The following CGAS variants were observed in gnomAD, a reference collection of about 807,000 sequenced individuals.
CGAS encodes cyclic GMP-AMP synthase.
A neutral mutation model predicts 34.0 loss-of-function variants in CGAS; 31 were observed. The ratio of observed to expected loss-of-function variants is 0.91; its 90% CI spans 0.69 to 1.23. The LOEUF is 1.23. CGAS is among the 50% of genes most tolerant of loss of function. The pLI, the probability that CGAS is intolerant of heterozygous loss-of-function variation, is 0.00. For synonymous variants in CGAS, 266 were observed against 260.0 expected (o/e 1.02, Z -0.22); for missense variants, 597 against 657.6 (o/e 0.91, Z 1.01).
Position 73,435,059 on chromosome 6 carries a change from G to A in CGAS, c.1114+5150C>T, listed in dbSNP as rs112147125. On this transcript the variant is annotated intron_variant, in intron 3 of 4. Coordinates refer to ENST00000370315, the MANE Select transcript of CGAS (RefSeq NM_138441.3). ...GAAAATGGGGGTGCTGCAGTGGCAC[G>A]TGTCTGTAGTCCCAGTTACTTGATA... Among the ~76,000 whole-genome samples, 287 of 152,164 alleles carry A rather than the reference G, an allele frequency of 1.9e-3. 3 individuals are homozygous for A. The highest frequency in any genetic ancestry group is 0.017 in the South Asian group (81 of 4,824).
chr6:73,452,145 A>G lies in CGAS; in HGVS notation c.37T>C (p.Ser13Pro). The change falls in exon 1 of 5, where the codon TCC (serine) becomes CCC (proline). Residue 13 changes from serine to proline, a missense_variant. By Grantham distance (74) the Ser-to-Pro change is moderately conservative. This residue lies in a region of CGAS where 321 missense variants were observed against 314.3 expected (regional missense o/e 1.02). Coordinates refer to ENST00000370315, the MANE Select transcript of CGAS (RefSeq NM_138441.3). ...TTGGGGGCAGTGGCTCCGGCCTCGGAAGCTCTCTGCATGGCCTTTCCGTGC... is the reference window on the plus strand; with the variant it reads ...TTGGGGGCAGTGGCTCCGGCCTCGGGAGCTCTCTGCATGGCCTTTCCGTGC... ...PWHGKAMQRA[S>P]EAGATAPKAS... The G allele has an allele frequency of 6.2e-7, 1 of 1,608,406 alleles. No homozygotes were observed.
At position 73,452,194 on chromosome 6, in the gene CGAS, C is replaced by G. The variant is rs775846900; in HGVS notation, c.-13G>C. 2.5e-6 allele frequency: 4 copies of G among 1,586,634 alleles called. No homozygotes were observed. The highest frequency in any genetic ancestry group is 3.4e-6 in the Non-Finnish European group (4 of 1,169,858). ...GCCAAGGCTGCATGGCTGGCGCTTT[C>G]TGTTCCCCGAAAGAAGAATCCGTTT... On this transcript the variant is annotated 5_prime_UTR_variant, in exon 1 of 5. Transcript: ENST00000370315.
chr6:73,434,007 A>G (rs1167391027), intron 3 of CGAS, among the ~76,000 whole-genome samples: 5 of 152,248 alleles, frequency 3.3e-5, no homozygotes, highest in African/African-American at 1.2e-4. Flanking sequence ...TAAAGGGTCA[A>G]GACTCTCTCA....
chr6:73,452,162 T>C lies in CGAS; in HGVS notation c.20A>G (p.Lys7Arg). 1 of 1,607,308 alleles carries C rather than the reference T, an allele frequency of 6.2e-7. No homozygotes were observed. The highest frequency in any genetic ancestry group is 8.5e-7 in the Non-Finnish European group (1 of 1,177,418). The change falls in exon 1 of 5, where the codon AAG becomes AGG. Residue 7 changes from lysine to arginine, a missense_variant. Physicochemically the swap from Lys to Arg is conservative, Grantham distance 26 (BLOSUM62 2). Transcript: ENST00000370315. MQPWHGKAMQRASEAGA... is the reference protein window; with the variant it reads MQPWHGRAMQRASEAGA... ...GGCCTCGGAAGCTCTCTGCATGGCC[T>C]TTCCGTGCCAAGGCTGCATGGCTGG...
chr6:73,436,819 T>TGAGA (rs763740805), intron 3 of CGAS, among the ~76,000 whole-genome samples: 2 of 150,380 alleles, frequency 1.3e-5, no homozygotes, highest in Non-Finnish European at 3.0e-5. Context: ...ATTACATGAA[T>TGAGA]GAGAGAGAGA....
chr6:73,445,399 G>C, intron 2 of CGAS, 129 bp downstream of exon 2: 3 of 506,406 alleles, frequency 5.9e-6, no homozygotes, highest in Non-Finnish European at 1.1e-5. Flanking sequence ...CTCCTCTACT[G>C]ATGTTTCTTG....
chr6:73,431,766 A>G (rs1229175634), intron 3 of CGAS, among the ~76,000 whole-genome samples: 2 of 152,218 alleles, frequency 1.3e-5, no homozygotes, highest in African/African-American at 4.8e-5. Context: ...CATACAAAAA[A>G]AGTATGACAC....
At chr6:73,446,915 G>C (rs1311106686) in intron 1 of CGAS, among the ~76,000 whole-genome samples, 1 of 151,994 alleles carries the variant, frequency 6.6e-6, no homozygotes, top group Non-Finnish European at 1.5e-5. Flanking sequence ...AATTAGCTAG[G>C]TGTGGTGGCA....
At chr6:73,440,570 T>C (rs1299850949) in intron 2 of CGAS, 125 bp from the exon 3 acceptor site, 3 of 882,044 alleles carry the variant, frequency 3.4e-6, no homozygotes, top group Admixed American at 5.9e-5. Flanking sequence ...ACATTAGTGG[T>C]AAAACAGAAA....
intron 1 of CGAS, among the ~76,000 whole-genome samples, chr6:73,446,708 C>G (rs1448037018): frequency 2.0e-4 from 6 of 29,346 alleles, no homozygotes; most frequent in African/African-American, 8.8e-4. Flanking sequence ...GCAGTCCCGC[C>G]GGGGCGACAG....
intron 3 of CGAS, among the ~76,000 whole-genome samples, chr6:73,433,441 A>G (rs1277659509): frequency 6.8e-6 from 1 of 147,396 alleles, no homozygotes; most frequent in Non-Finnish European, 1.5e-5. Flanking sequence ...AAGTTTTTAT[A>G]GAGATGAAGA....
intron 2 of CGAS, among the ~76,000 whole-genome samples, chr6:73,442,682 T>C (rs2150814838): frequency 6.9e-6 from 1 of 145,836 alleles, no homozygotes; most frequent in South Asian, 2.3e-4. Context: ...CACTGCAACC[T>C]CTGTCTCCCA....
chr6:73,426,503 G>A (rs1213799867), intron 4 of CGAS, among the ~76,000 whole-genome samples: 1 of 150,576 alleles, frequency 6.6e-6, no homozygotes, highest in Non-Finnish European at 1.5e-5. Flanking sequence ...ACTGTATAAA[G>A]CTAACAGATA....
Position 73,440,486 on chromosome 6 carries a change from C to T in CGAS, c.878-41G>A, listed in dbSNP as rs764166681. On this transcript the variant is annotated intron_variant, in intron 2 of 4. Transcript: ENST00000370315. ...AAAGAAAAGAAAGTATTTATTAATC[C>T]AATTTTCTCTGGAAATACAGGGGAA... 3.4e-6 allele frequency: 5 copies of T among 1,481,366 alleles called. No individual in the cohort carries two copies. The South Asian group carries it at 3.6e-5, about 11-fold the overall frequency. 91.8% of individuals were successfully genotyped at this position (1,481,366 alleles called of 1,614,324 possible). A position where few individuals can be genotyped will look rare whatever the true frequency, so the allele number is the denominator to read the frequency against.
In CGAS at chr6:73,445,467, T is replaced by C. The variant is rs769645942; in HGVS notation, c.877+61A>G. 38 of 1,188,774 alleles carry C rather than the reference T, an allele frequency of 3.2e-5. No homozygotes were observed. The Admixed American group carries it at 7.7e-4, about 24-fold the overall frequency. 73.6% of individuals were successfully genotyped at this position (1,188,774 alleles called of 1,614,324 possible). A position where few individuals can be genotyped will look rare whatever the true frequency, so the allele number is the denominator to read the frequency against. ...AGGTCAAGAAACATGAGAATGGGAG[T>C]GTACATTGGCAATTACTAGGTATAA... On this transcript the variant is annotated intron_variant, in intron 2 of 4. Coordinates refer to ENST00000370315, the MANE Select transcript of CGAS (RefSeq NM_138441.3).
At chr6:73,443,235 CTTT>C (rs35135687) in intron 2 of CGAS, among the ~76,000 whole-genome samples, 1 of 104,220 alleles carries the variant, frequency 9.6e-6, no homozygotes, top group Non-Finnish European at 1.8e-5. Context: ...TTCCCAAACT[CTTT>C]TTTTTTTTTT....
rs143016643 is a variant in CGAS at position 73,447,974 on chromosome 6, T to C, written c.658-2227A>G. On this transcript the variant is annotated intron_variant, in intron 1 of 4. Coordinates refer to ENST00000370315, the MANE Select transcript of CGAS (RefSeq NM_138441.3). ...TATGCCTTTATTTTCCTTGTCTTGC[T>C]GCATCAGCTGTATGTATTCCTTTAC... Among the ~76,000 whole-genome samples the C allele has an allele frequency of 4.6e-3, 699 of 152,376 alleles. 13 individuals carry two copies. In the South Asian group the frequency reaches 0.055, roughly 12 times the overall value.
At chr6:73,426,273 C>T (rs1025931295) in intron 4 of CGAS, among the ~76,000 whole-genome samples, 1 of 148,544 alleles carries the variant, frequency 6.7e-6, no homozygotes, top group Non-Finnish European at 1.5e-5. Flanking sequence ...ACAAGTGAGA[C>T]TCCATCTCAA....
At chr6:73,443,660 T>C (rs942162694) in intron 2 of CGAS, among the ~76,000 whole-genome samples, 2 of 152,220 alleles carry the variant, frequency 1.3e-5, no homozygotes, top group Non-Finnish European at 2.9e-5. Flanking sequence ...CAACAGCACT[T>C]ACTACTTTCC....
Sources: gnomAD v4.1 joint callset for allele counts (sites outside exome capture counted in the v4.1 genomes callset) on GRCh38, gnomAD v4.1.1 for gene constraint, gnomAD v4.1.1 regional missense constraint, MANE v1.5 for transcripts, NCBI Gene and HGNC (gene_info 2026-07-23, HGNC 2026-07-21) for gene names.